NEB: variants seen among roughly 807,000 people sequenced by gnomAD.
NEB encodes nebulin.
NEB carries 512 observed loss-of-function variants against 952.2 expected under a neutral mutation model. The ratio of observed to expected loss-of-function variants is 0.54; its 90% CI spans 0.50 to 0.58. The LOEUF is 0.58. Among genes scored for constraint, NEB ranks in the 20% least tolerant of loss-of-function variants. NEB has a pLI of 0.00. For synonymous variants in NEB, 2,900 were observed against 3,149.8 expected, an observed-to-expected ratio of 0.92 and a Z score of 2.66; for missense variants, 8,428 against 9,231.1, an observed-to-expected ratio of 0.91 and a Z score of 3.56.
At chr2:151,574,196 G>C (rs58037758) in intron 107 of NEB, among the ~76,000 whole-genome samples, 46,557 of 152,048 alleles carry the variant, frequency 0.31, 7,351 homozygotes, top group Admixed American at 0.42. Context: ...GGATGGTCTC[G>C]ATCTCCTGAC....
intron 92 of NEB, among the ~76,000 whole-genome samples, chr2:151,595,381 A>T (rs1355960681): frequency 6.6e-6 from 1 of 152,270 alleles, no homozygotes; most frequent in Non-Finnish European, 1.5e-5. Context: ...ACTCCTGAGT[A>T]GCTGGGATTA....
At chr2:151,699,907 CT>C in intron 13 of NEB, among the ~76,000 whole-genome samples, 2 of 151,390 alleles carry the variant, frequency 1.3e-5, no homozygotes, top group Admixed American at 6.6e-5. Flanking sequence ...GTTGCCATTG[CT>C]TTTGGTGTTT....
intron 34 of NEB, among the ~76,000 whole-genome samples, chr2:151,676,547 G>T (rs139463983): frequency 2.8e-4 from 42 of 152,218 alleles, no homozygotes; most frequent in African/African-American, 1.0e-3. Context: ...ATTAGCATAC[G>T]AGTCCCTTAC....
intron 164 of NEB, 132 bp downstream of exon 164, chr2:151,506,034 G>A: frequency 2.5e-6 from 2 of 794,262 alleles, no homozygotes; most frequent in Admixed American, 1.8e-5. Flanking sequence ...CTGTGTGGTG[G>A]TGGTACACAG....
intron 181 of NEB, 41 bp from the exon 182 acceptor site, chr2:151,485,974 A>G (rs1335500364): frequency 6.3e-7 from 1 of 1,593,200 alleles, no homozygotes; most frequent in Non-Finnish European, 8.6e-7. Context: ...TATATGTTGG[A>G]TTTGCAACAG....
intron 163 of NEB, 106 bp downstream of exon 163, chr2:151,506,803 G>A (rs1384745045): frequency 2.7e-6 from 2 of 740,228 alleles, no homozygotes; most frequent in African/African-American, 1.8e-5. Flanking sequence ...TATTACTGAG[G>A]AGGTTAGATG....
In NEB at chr2:151,707,020, T is replaced by G. The variant is rs201588466; in HGVS notation, c.1036-23A>C. 44 of 1,456,752 alleles carry G rather than the reference T, an allele frequency of 3.0e-5. No individual in the cohort carries two copies. In the Admixed American group the frequency reaches 8.4e-4, roughly 28 times the overall value. 90.2% of individuals were successfully genotyped at this position (1,456,752 alleles called of 1,614,324 possible). ...TACCTGTAGGAGTGAAATAAAATGA[T>G]AAAGTAACTCTATGGGTTATTTTTG... On this transcript the variant is annotated intron_variant, in intron 12 of 181. Coordinates refer to ENST00000397345, the MANE Select transcript of NEB (RefSeq NM_001164508.2).
At chr2:151,614,966 A>T (rs1344345092) in intron 76 of NEB, among the ~76,000 whole-genome samples, 3 of 152,204 alleles carry the variant, frequency 2.0e-5, no homozygotes, top group Non-Finnish European at 4.4e-5. Flanking sequence ...ACTGTTTGAC[A>T]TTAAGAATAT....
chr2:151,660,236 C>T (rs924507967), intron 46 of NEB, among the ~76,000 whole-genome samples: 2 of 152,174 alleles, frequency 1.3e-5, no homozygotes, highest in African/African-American at 4.8e-5. Context: ...CATCACTGTT[C>T]AACTTCTCCT....
intron 169 of NEB, 144 bp downstream of exon 169, chr2:151,499,150 CTGAT>C (rs1221865564): frequency 2.1e-6 from 1 of 483,928 alleles, no homozygotes; most frequent in Non-Finnish European, 3.7e-6. Flanking sequence ...ATGGGGAAAA[CTGAT>C]TCATAGGAAA....
At chr2:151,671,282 T>C in intron 37 of NEB, 53 bp from the exon 38 acceptor site, 1 of 1,436,716 alleles carries the variant, frequency 7.0e-7, no homozygotes, top group Admixed American at 1.9e-5. Context: ...ATTCAAGGGA[T>C]GTTTCTGGGA....
intron 10 of NEB, among the ~76,000 whole-genome samples, chr2:151,712,465 C>T (rs542285056): frequency 1.3e-5 from 2 of 152,188 alleles, no homozygotes; most frequent in Admixed American, 1.3e-4. Flanking sequence ...ATCACTCAAC[C>T]CCCTCATCCA....
intron 107 of NEB, among the ~76,000 whole-genome samples, chr2:151,575,431 T>A (rs1056899478): frequency 5.9e-5 from 9 of 152,236 alleles, no homozygotes; most frequent in African/African-American, 1.9e-4. Context: ...CATTCGTCTT[T>A]CACCTTCTTT....
chr2:151,538,833 T>C (rs1377717402), intron 138 of NEB, among the ~76,000 whole-genome samples: 1 of 152,200 alleles, frequency 6.6e-6, no homozygotes, highest in African/African-American at 2.4e-5. Flanking sequence ...GATTCTAACC[T>C]GAGAATATCA....
At chr2:151,611,612 A>C (rs1258576032) in intron 78 of NEB, among the ~76,000 whole-genome samples, 1 of 152,194 alleles carries the variant, frequency 6.6e-6, no homozygotes, top group Non-Finnish European at 1.5e-5. Context: ...TTAAGGGCTG[A>C]CTCATTGGAT....
intron 107 of NEB, among the ~76,000 whole-genome samples, chr2:151,573,341 C>A (rs2096712912): frequency 6.6e-6 from 1 of 152,084 alleles, no homozygotes; most frequent in South Asian, 2.1e-4. Context: ...GTGTTTTCAG[C>A]TGAGAAATTT....
chr2:151,710,142 G>A (rs767613508), intron 11 of NEB, among the ~76,000 whole-genome samples: 1 of 152,198 alleles, frequency 6.6e-6, no homozygotes, highest in South Asian at 2.1e-4. Flanking sequence ...TAATTAAAAA[G>A]AGTCCCTTTA....
intron 10 of NEB, among the ~76,000 whole-genome samples, chr2:151,716,751 C>T (rs1357453465): frequency 6.6e-6 from 1 of 152,138 alleles, no homozygotes; most frequent in Non-Finnish European, 1.5e-5. Flanking sequence ...AACTGACACT[C>T]ATCTCCACAG....
chr2:151,487,045 T>TTG (rs568565482), intron 181 of NEB, among the ~76,000 whole-genome samples: 386 of 151,720 alleles, frequency 2.5e-3, no homozygotes, highest in Non-Finnish European at 4.5e-3. Flanking sequence ...ATGCATGAAA[T>TTG]TGTGTGTGTG....
Sources: gnomAD v4.1 joint callset for allele counts (sites outside exome capture counted in the v4.1 genomes callset) on GRCh38, gnomAD v4.1.1 for gene constraint, MANE v1.5 for transcripts, NCBI Gene and HGNC (gene_info 2026-07-23, HGNC 2026-07-21) for gene names.